Variants in MROH7 observed in about 807,000 individuals in gnomAD.
MROH7 encodes the protein maestro heat-like repeat-containing protein family member 7.
Under a neutral mutation model 129.2 loss-of-function variants are expected in MROH7, and 113 were observed. That is an observed-to-expected ratio of 0.87 (90% CI 0.75 to 1.02). The LOEUF (loss-of-function observed/expected upper bound fraction) is 1.02. MROH7 is among the 50% of genes least tolerant of loss of function. The pLI, the probability that MROH7 is intolerant of heterozygous loss-of-function variation, is 0.00. For missense variants in MROH7, 1,601 were observed against 1,671.3 expected, an observed-to-expected ratio of 0.96 and a Z score of 0.73; for synonymous variants, 655 against 667.9, an observed-to-expected ratio of 0.98 and a Z score of 0.30.
At chr1:54,699,836 A>G in intron 17 of MROH7, 2 of 450,948 alleles carry the variant, frequency 4.4e-6, no homozygotes, top group Non-Finnish European at 7.8e-6. Context: ...GTCAGCCTAA[A>G]TGAGGCCAGG....
At chr1:54,690,489 G>A (rs1013842822) in intron 15 of MROH7, among the ~76,000 whole-genome samples, 16 of 150,790 alleles carry the variant, frequency 1.1e-4, no homozygotes, top group African/African-American at 3.9e-4. Context: ...TGTCGCCCAG[G>A]CTAGAGTGCA....
intron 17 of MROH7, chr1:54,695,806 T>G (rs1331979683): frequency 2.6e-6 from 1 of 389,104 alleles, no homozygotes; most frequent in African/African-American, 2.1e-5. Flanking sequence ...GAATTTTTGG[T>G]GTGGCAGAGG....
chr1:54,655,038 G>A (rs1644621949), intron 3 of MROH7, among the ~76,000 whole-genome samples: 1 of 148,084 alleles, frequency 6.8e-6, no homozygotes, highest in African/African-American at 2.5e-5. Context: ...TTTTTGAGTG[G>A]GAGTCTCATT....
At chr1:54,644,227 G>GT (rs1208184634) in intron 1 of MROH7, among the ~76,000 whole-genome samples, 2 of 114,104 alleles carry the variant, frequency 1.8e-5, no homozygotes, top group Non-Finnish European at 3.6e-5. Flanking sequence ...TGAGGTTCTG[G>GT]TTTTTTTTGG....
intron 1 of MROH7, among the ~76,000 whole-genome samples, chr1:54,648,792 T>A (rs1410720318): frequency 6.6e-6 from 1 of 152,138 alleles, no homozygotes; most frequent in East Asian, 1.9e-4. Flanking sequence ...CAATGGGAAC[T>A]GGAGTAGGGT....
chr1:54,659,948 A>G (rs1319129031), intron 3 of MROH7, among the ~76,000 whole-genome samples: 1 of 152,204 alleles, frequency 6.6e-6, no homozygotes, highest in Non-Finnish European at 1.5e-5. Context: ...TTATTAATAA[A>G]GTAGCTGTGA....
At chr1:54,678,967 C>T (rs2101128399) in intron 11 of MROH7, 113 bp downstream of exon 11, 1 of 846,470 alleles carries the variant, frequency 1.2e-6, no homozygotes, top group East Asian at 2.6e-5. Flanking sequence ...AGGACGCCTT[C>T]CCAGCCACCC....
At chr1:54,677,280 TC>T (rs903159643) in intron 10 of MROH7, among the ~76,000 whole-genome samples, 1 of 152,026 alleles carries the variant, frequency 6.6e-6, no homozygotes. Flanking sequence ...ATGCCTATAG[TC>T]CCCACTACTT....
At position 54,702,183 on chromosome 1, in the gene MROH7, C is replaced by G. The variant is rs1469253600; in HGVS notation, c.3379C>G (p.Leu1127Val). Residue 1127 changes from leucine (L) to valine (V), a missense_variant, in exon 20 of 24, where the codon CTG becomes GTG. Leu to Val is a conservative substitution (Grantham distance 32, BLOSUM62 1). Coordinates refer to ENST00000421030, the MANE Select transcript of MROH7 (RefSeq NM_001039464.4). The stretch of plus-strand genomic sequence containing the variant: ...ACGCACTCAGGCCATGGAGGAGCAG[C>G]TGGTCAGCACCTTGGTGCCCCTACT... ...APRTQAMEEQ[L>V]VSTLVPLLLT... 3.7e-6 allele frequency: 6 copies of G among 1,603,382 alleles called. No homozygotes were observed. Among genetic ancestry groups the G allele is most frequent in the Non-Finnish European group, 5.1e-6 (6 of 1,175,470 alleles).
intron 14 of MROH7, among the ~76,000 whole-genome samples, chr1:54,684,704 A>G (rs1300068972): frequency 6.6e-6 from 1 of 152,214 alleles, no homozygotes; most frequent in Non-Finnish European, 1.5e-5. Context: ...TGAGTCCAAG[A>G]GACTTGTCTT....
chr1:54,673,736 T>C lies in MROH7; in HGVS notation c.1731T>C (p.His577=), dbSNP rs1174163810. 1.2e-6 allele frequency: 2 copies of C among 1,614,172 alleles called. No individual in the cohort carries two copies. The highest frequency in any genetic ancestry group is 1.7e-6 in the Non-Finnish European group (2 of 1,180,034). ...CTTGGATGAACTCTGGGAAGGCCCA[T>C]GAGCGAGCACGGGCTGTGAACACCA... ...LGPWMNSGKA[H]ERARAVNTNV... The change falls in exon 9 of 24, where the codon CAT becomes CAC. Residue 577 remains histidine, a synonymous_variant. Transcript: ENST00000421030.
In MROH7 at chr1:54,670,905, C is replaced by T. The variant is rs529161509; in HGVS notation, c.1575C>T (p.Asp525=). The T allele has an allele frequency of 1.3e-5, 21 of 1,608,700 alleles. No homozygotes were observed. Among genetic ancestry groups the T allele is most frequent in the South Asian group, 1.2e-4 (11 of 89,904 alleles). ...CCGTGCAGGCGATGCAGGAGAAGGACGAGGCCAAGGCTGAGACCATCCAGG... is the reference window on the plus strand; with the variant it reads ...CCGTGCAGGCGATGCAGGAGAAGGATGAGGCCAAGGCTGAGACCATCCAGG... ...LPSVQAMQEK[D]EAKAETIQAL... The change falls in exon 7 of 24, where the codon GAC becomes GAT. Residue 525 remains aspartate, a synonymous_variant. Transcript: ENST00000421030.
chr1:54,710,052 C>T lies in MROH7; in HGVS notation c.3837C>T (p.His1279=), dbSNP rs144863077. ...GCTGGCAGAACTCCTGGCTGCCGCA[C>T]GGGAACTCATGGGTGTGTTACTCAG... ...ASCWQNSWLP[H]GNSWVCYSAT... is the part of the protein sequence containing the mutation. The change falls in exon 24 of 24, where the codon CAC becomes CAT. Residue 1279 remains histidine, a synonymous_variant. Coordinates refer to ENST00000421030, the MANE Select transcript of MROH7 (RefSeq NM_001039464.4). 1.8e-4 allele frequency: 284 copies of T among 1,614,124 alleles called. 1 individual carries two copies. Among genetic ancestry groups the T allele is most frequent in the Non-Finnish European group, 2.2e-4 (265 of 1,180,028 alleles).
chr1:54,693,977 G>A (rs11582431), intron 16 of MROH7, among the ~76,000 whole-genome samples: 23,944 of 152,106 alleles, frequency 0.16, 2,389 homozygotes, highest in South Asian at 0.22. Flanking sequence ...TGCCTCCTGG[G>A]TTCAAGCGAT....
At chr1:54,678,229 C>G (rs1290972547) in intron 10 of MROH7, among the ~76,000 whole-genome samples, 1 of 152,138 alleles carries the variant, frequency 6.6e-6, no homozygotes, top group Non-Finnish European at 1.5e-5. Context: ...TGTAGATATA[C>G]TCATCAAAAG....
At chr1:54,644,386 A>C (rs1158183125) in intron 1 of MROH7, among the ~76,000 whole-genome samples, 2 of 150,460 alleles carry the variant, frequency 1.3e-5, no homozygotes, top group African/African-American at 4.9e-5. Flanking sequence ...TCTGTCACCA[A>C]GACTGGAGTG....
intron 16 of MROH7, among the ~76,000 whole-genome samples, chr1:54,694,393 A>G (rs1370203565): frequency 6.6e-6 from 1 of 152,232 alleles, no homozygotes; most frequent in Non-Finnish European, 1.5e-5. Flanking sequence ...GTGCAACGGA[A>G]TTAACTGCCA....
intron 3 of MROH7, among the ~76,000 whole-genome samples, chr1:54,659,790 A>G (rs1702000): frequency 0.12 from 18,068 of 152,168 alleles, 3,141 homozygotes; most frequent in African/African-American, 0.38. Context: ...TTAGTGCAAC[A>G]TTATGTCTGT....
At chr1:54,701,608 T>C (rs1645437395) in intron 19 of MROH7, among the ~76,000 whole-genome samples, 2 of 152,214 alleles carry the variant, frequency 1.3e-5, no homozygotes, top group Admixed American at 1.3e-4. Context: ...AAAGGCAGGA[T>C]CTTGCTCTGG....
Sources: allele counts gnomAD v4.1 joint callset (sites outside exome capture counted in the v4.1 genomes callset), GRCh38; gene constraint gnomAD v4.1.1; transcripts MANE v1.5; gene names NCBI Gene and HGNC (gene_info 2026-07-23, HGNC 2026-07-21).